Variants in GLB1 observed in about 807,000 individuals in gnomAD.
GLB1 encodes the protein beta-galactosidase.
A neutral mutation model predicts 74.0 loss-of-function variants in GLB1; 56 were observed. The ratio of observed to expected loss-of-function variants is 0.76; its 90% CI spans 0.61 to 0.94. The LOEUF is 0.94. Among genes scored for constraint, GLB1 ranks in the 40% least tolerant of loss-of-function variants. The probability of loss-of-function intolerance (pLI) is 0.00; values close to 1 mark genes in which losing one functional copy is unlikely to be tolerated. For synonymous variants in GLB1, 323 were observed against 323.6 expected (o/e 1.00, Z 0.02); for missense variants, 787 against 845.5 (o/e 0.93, Z 0.86).
chr3:33,035,826 A>C (rs962471087), intron 10 of GLB1, among the ~76,000 whole-genome samples: 1 of 152,186 alleles, frequency 6.6e-6, no homozygotes, highest in African/African-American at 2.4e-5. Context: ...TTGTTGCCTC[A>C]TCCAATAGCC....
chr3:33,032,811 C>A (rs1303014285), intron 10 of GLB1, among the ~76,000 whole-genome samples: 1 of 152,228 alleles, frequency 6.6e-6, no homozygotes, highest in Non-Finnish European at 1.5e-5. Context: ...CAGCTGCATC[C>A]AGAAGTGCCC....
At position 33,067,136 on chromosome 3, in the gene GLB1, G is replaced by A. The variant is rs544765852; in HGVS notation, c.457+1094C>T. Among the ~76,000 whole-genome samples, 4 of 151,714 alleles carry A rather than the reference G, an allele frequency of 2.6e-5. No homozygotes were observed. The South Asian group carries it at 8.3e-4, about 32-fold the overall frequency. ...TCCTGCCTCAGCCTCCCGAGTAGCT[G>A]GGATTACAGGCATGCACCACCACAC... On this transcript the variant is annotated intron_variant, in intron 4 of 15. Transcript: ENST00000307363.
Position 33,033,840 on chromosome 3 carries a change from C to T in GLB1, c.1069-9515G>A, listed in dbSNP as rs114611949. ...AGGCACCACCAGGAGCTGCCACGTC[C>T]CTAGAGCAGTCACGCTGGTATCATG... On this transcript the variant is annotated intron_variant, in intron 10 of 15. Coordinates refer to ENST00000307363, the MANE Select transcript of GLB1 (RefSeq NM_000404.4). The T allele has an allele frequency of 4.2e-3, 1,789 of 421,566 alleles. 37 individuals are homozygous for T. Among genetic ancestry groups the T allele is most frequent in the African/African-American group, 0.034 (1,639 of 48,268 alleles). 26.1% of individuals were successfully genotyped at this position (421,566 alleles called of 1,614,324 possible).
At chr3:33,023,721 C>T (rs1697607570) in intron 11 of GLB1, among the ~76,000 whole-genome samples, 1 of 152,072 alleles carries the variant, frequency 6.6e-6, no homozygotes, top group Non-Finnish European at 1.5e-5. Flanking sequence ...ATACATTGCC[C>T]TTAACTCCTA....
chr3:33,035,255 G>C lies in GLB1; in HGVS notation c.1068+10865C>G, dbSNP rs139115273. Among the ~76,000 whole-genome samples, 534 of 152,078 alleles carry C rather than the reference G, an allele frequency of 3.5e-3. 1 individual carries two copies. Among genetic ancestry groups the C allele is most frequent in the African/African-American group, 0.011 (465 of 41,500 alleles). ...GAGAGCAGCCCGGGCAACATAGGGA[G>C]ACTCCATCGCTACAAAAAAATTAAA... On this transcript the variant is annotated intron_variant, in intron 10 of 15. Coordinates refer to ENST00000307363, the MANE Select transcript of GLB1 (RefSeq NM_000404.4).
intron 1 of GLB1, among the ~76,000 whole-genome samples, chr3:33,080,152 G>A (rs765960678): frequency 6.6e-6 from 1 of 151,932 alleles, no homozygotes; most frequent in Admixed American, 6.6e-5. Context: ...GGCCCAGGCT[G>A]GAGTGCAATG....
At chr3:32,987,761 A>G in the GLB1 span, among the ~76,000 whole-genome samples, 2 of 152,234 alleles carry the variant, frequency 1.3e-5, no homozygotes, top group African/African-American at 4.8e-5. Context: ...CTCAATGCCC[A>G]GCATGTATTA....
intron 10 of GLB1, chr3:33,033,945 TG>T: frequency 1.8e-6 from 1 of 553,494 alleles, no homozygotes; most frequent in Non-Finnish European, 3.6e-6. Flanking sequence ...GGCACCCGCC[TG>T]GCAACCTGCT....
chr3:33,012,925 A>G (rs1024787003), intron 15 of GLB1, among the ~76,000 whole-genome samples: 2 of 152,184 alleles, frequency 1.3e-5, no homozygotes, highest in Admixed American at 6.5e-5. Flanking sequence ...AGCCTCCTAG[A>G]TGGTTTCCTC....
intron 10 of GLB1, among the ~76,000 whole-genome samples, chr3:33,035,974 T>C (rs1043787224): frequency 1.3e-5 from 2 of 152,226 alleles, no homozygotes; most frequent in Non-Finnish European, 2.9e-5. Context: ...CAGTGTCACC[T>C]GTACATTAGG....
chr3:33,012,910 G>C (rs1181022995), intron 15 of GLB1, among the ~76,000 whole-genome samples: 1 of 152,132 alleles, frequency 6.6e-6, no homozygotes, highest in African/African-American at 2.4e-5. Context: ...ATGAGACTAT[G>C]GTCCAGCCTC....
intron 1 of GLB1, chr3:33,077,299 T>C (rs1442850255): frequency 6.4e-7 from 1 of 1,573,570 alleles, no homozygotes; most frequent in East Asian, 2.3e-5. Flanking sequence ...TGGTGCAGTT[T>C]AGGATTAAGA....
In GLB1 at chr3:33,051,750, G is replaced by A. The variant is rs757268704; in HGVS notation, c.955+8C>T. 3.1e-6 allele frequency: 5 copies of A among 1,614,126 alleles called. No homozygotes were observed. Among genetic ancestry groups the A allele is most frequent in the Non-Finnish European group, 4.2e-6 (5 of 1,180,038 alleles). On this transcript the variant is annotated splice_region_variant and intron_variant, in intron 9 of 15. Coordinates refer to ENST00000307363, the MANE Select transcript of GLB1 (RefSeq NM_000404.4). ...CATAAGTTTCTACAGATATTAAAGT[G>A]CTCTTACCATTCCAATAGGCAAAAT...
rs544967759 is a variant in GLB1 at position 33,006,485 on chromosome 3, A to G, written c.1734+7571T>C. Among the ~76,000 whole-genome samples, 15 of 152,272 alleles carry G rather than the reference A, an allele frequency of 9.9e-5. No individual in the cohort carries two copies. The East Asian group carries it at 2.3e-3, about 23-fold the overall frequency. ...TCCACGAAACTAGTCCCTGATACCA[A>G]CAAGGTTGGGGACCACTGGCATACA... On this transcript the variant is annotated intron_variant, in intron 15 of 15. Coordinates refer to ENST00000307363, the MANE Select transcript of GLB1 (RefSeq NM_000404.4).
chr3:32,964,046 G>T, the GLB1 span, among the ~76,000 whole-genome samples: 1 of 152,158 alleles, frequency 6.6e-6, no homozygotes, highest in Non-Finnish European at 1.5e-5. Context: ...TCAGTCCTGA[G>T]GATGAATAAC....
chr3:33,092,727 C>A (rs988783630), intron 1 of GLB1: 9 of 1,490,968 alleles, frequency 6.0e-6, no homozygotes, highest in Non-Finnish European at 7.1e-6. Flanking sequence ...GGTGTGTAGG[C>A]AAGGATGAGT....
chr3:33,093,637 G>A lies in GLB1; in HGVS notation c.75+3374C>T, dbSNP rs1040086951. The A allele has an allele frequency of 1.2e-6, 2 of 1,614,158 alleles. No homozygotes were observed. The highest frequency in any genetic ancestry group is 8.5e-7 in the Non-Finnish European group (1 of 1,180,032). On this transcript the variant is annotated intron_variant, in intron 1 of 15. Transcript: ENST00000307363. This position sits in a 1 kb window ranked among gnomAD's most constrained non-coding sequence, Gnocchi z 6.0. ...ACCTCCACAGTTTTCACAGCCGGGG[G>A]CTGCGCGGCATTCAGAATCCCGGCC...
At chr3:33,014,356 A>G in intron 14 of GLB1, 46 bp from the exon 15 acceptor site, 2 of 1,604,554 alleles carry the variant, frequency 1.2e-6, no homozygotes, top group Non-Finnish European at 1.7e-6. Context: ...GGGAAGGAAA[A>G]AGGCTTCACA....
At position 33,068,234 on chromosome 3, in the gene GLB1, G is replaced by T; in HGVS notation, c.453C>A (p.Asp151Glu). The T allele has an allele frequency of 6.2e-7, 1 of 1,614,032 alleles. No individual in the cohort carries two copies. The highest frequency in any genetic ancestry group is 8.5e-7 in the Non-Finnish European group (1 of 1,179,954). ...EKESILLRSSDPDYLAAVDKW... is the reference protein window; with the variant it reads ...EKESILLRSSEPDYLAAVDKW... ...AAGACATCTGTAACAACCTACCTGG[G>T]TCGGAGGAGCGGAGAAGAATAGACT... Residue 151 changes from aspartate to glutamate, a missense_variant, in exon 4 of 16, where the codon GAC becomes GAA. Coordinates refer to ENST00000307363, the MANE Select transcript of GLB1 (RefSeq NM_000404.4).
Sources: allele counts gnomAD v4.1 joint callset (sites outside exome capture counted in the v4.1 genomes callset), GRCh38; gene constraint gnomAD v4.1.1; non-coding constraint Gnocchi (gnomAD v3.1); transcripts MANE v1.5; gene names NCBI Gene and HGNC (gene_info 2026-07-23, HGNC 2026-07-21).